KLHL1: variants seen among roughly 807,000 people sequenced by gnomAD.
The protein encoded by KLHL1 is kelch-like protein 1.
A neutral mutation model predicts 77.7 loss-of-function variants in KLHL1; 47 were observed. That is an observed-to-expected ratio of 0.60 (90% CI 0.48 to 0.77). KLHL1 has a LOEUF of 0.77. Ranked by LOEUF, KLHL1 falls within the 30% of genes least tolerant of loss-of-function variation. KLHL1 has a pLI of 0.00. For synonymous variants in KLHL1, 360 were observed against 325.2 expected, an observed-to-expected ratio of 1.11 and a Z score of -1.15; for missense variants, 925 against 910.8, an observed-to-expected ratio of 1.02 and a Z score of -0.20.
At chr13:69,924,773 G>A (rs973798669) in intron 4 of KLHL1, among the ~76,000 whole-genome samples, 1 of 152,186 alleles carries the variant, frequency 6.6e-6, no homozygotes, top group African/African-American at 2.4e-5. Flanking sequence ...AGAGCTCCCT[G>A]AGCCAGGGCT....
At chr13:70,053,375 G>A (rs1170946381) in intron 1 of KLHL1, among the ~76,000 whole-genome samples, 1 of 151,982 alleles carries the variant, frequency 6.6e-6, no homozygotes, top group Non-Finnish European at 1.5e-5. Context: ...TTATTCTTAG[G>A]AATATAGGCA....
intron 7 of KLHL1, 57 bp downstream of exon 7, chr13:69,796,681 T>C (rs1269732538): frequency 5.0e-6 from 6 of 1,193,790 alleles, no homozygotes; most frequent in Non-Finnish European, 7.3e-6. Flanking sequence ...TTTTATCATA[T>C]AGTTACATTA....
intron 5 of KLHL1, among the ~76,000 whole-genome samples, chr13:69,840,809 G>T (rs1406659656): frequency 6.6e-6 from 1 of 150,734 alleles, no homozygotes; most frequent in South Asian, 2.1e-4. Context: ...ATTCACCAAA[G>T]GGACTATTTC....
intron 1 of KLHL1, among the ~76,000 whole-genome samples, chr13:69,978,734 G>A (rs1454755802): frequency 2.0e-5 from 3 of 152,156 alleles, no homozygotes; most frequent in Admixed American, 6.5e-5. Flanking sequence ...TGATCTGCCC[G>A]CCTTGGCCCC....
intron 4 of KLHL1, among the ~76,000 whole-genome samples, chr13:69,897,564 C>T (rs910399865): frequency 2.6e-5 from 4 of 152,118 alleles, no homozygotes; most frequent in Admixed American, 1.3e-4. Context: ...TTAAACCTAG[C>T]GAGGGACATT....
At chr13:70,044,013 T>C (rs1001601756) in intron 1 of KLHL1, among the ~76,000 whole-genome samples, 29 of 152,174 alleles carry the variant, frequency 1.9e-4, no homozygotes, top group Non-Finnish European at 7.3e-5. Context: ...AGAAATCCTA[T>C]AAAAAGTAAA....
chr13:69,940,005 T>C (rs373321199), intron 4 of KLHL1, 35 bp downstream of exon 4: 19 of 1,482,010 alleles, frequency 1.3e-5, no homozygotes, highest in Non-Finnish European at 1.7e-5. Context: ...TAACACAGAG[T>C]GTGTCTCCAT....
chr13:69,723,940 T>C (rs762599639), intron 8 of KLHL1, among the ~76,000 whole-genome samples: 4 of 151,188 alleles, frequency 2.6e-5, no homozygotes, highest in Non-Finnish European at 4.4e-5. Flanking sequence ...CGGGTTCAAG[T>C]GATTCTCCTG....
chr13:70,073,057 T>A (rs1199675243), intron 1 of KLHL1, among the ~76,000 whole-genome samples: 1 of 152,154 alleles, frequency 6.6e-6, no homozygotes, highest in Non-Finnish European at 1.5e-5. Flanking sequence ...ATCCCATTAC[T>A]GGGTATATAC....
intron 6 of KLHL1, among the ~76,000 whole-genome samples, chr13:69,838,207 G>T (rs1268232317): frequency 6.6e-6 from 1 of 151,408 alleles, no homozygotes; most frequent in African/African-American, 2.4e-5. Flanking sequence ...TTTTAAAAAA[G>T]ATGTTGGATA....
At chr13:69,895,078 G>A (rs1023134626) in intron 4 of KLHL1, 3 of 475,470 alleles carry the variant, frequency 6.3e-6, no homozygotes. Flanking sequence ...ACCCACTTCG[G>A]ATCTTGCTTT....
chr13:70,103,268 G>C (rs1252953872), intron 1 of KLHL1, among the ~76,000 whole-genome samples: 1 of 152,114 alleles, frequency 6.6e-6, no homozygotes, highest in Non-Finnish European at 1.5e-5. Flanking sequence ...ATTAAGTCTG[G>C]AAAACAGAGG....
chr13:69,901,825 C>A (rs1881877383), intron 4 of KLHL1, among the ~76,000 whole-genome samples: 1 of 122,112 alleles, frequency 8.2e-6, no homozygotes, highest in South Asian at 2.6e-4. Context: ...GAGACGGAGT[C>A]TCGCTCTTGT....
chr13:69,923,047 G>A (rs188401503), intron 4 of KLHL1, among the ~76,000 whole-genome samples: 1 of 152,118 alleles, frequency 6.6e-6, no homozygotes, highest in Non-Finnish European at 1.5e-5. Context: ...GAAGATGGAA[G>A]CAAATGCAAC....
intron 1 of KLHL1, among the ~76,000 whole-genome samples, chr13:69,995,590 G>A (rs2137318667): frequency 6.6e-6 from 1 of 152,210 alleles, no homozygotes; most frequent in East Asian, 1.9e-4. Context: ...ATTTATCCAT[G>A]CTTTTCACAA....
chr13:69,884,273 G>C (rs949868091), intron 4 of KLHL1, among the ~76,000 whole-genome samples: 5 of 151,662 alleles, frequency 3.3e-5, no homozygotes. Context: ...ATACTGATTG[G>C]CTTCCCAGAA....
At chr13:69,996,432 T>C (rs1885154581) in intron 1 of KLHL1, among the ~76,000 whole-genome samples, 1 of 152,158 alleles carries the variant, frequency 6.6e-6, no homozygotes, top group Non-Finnish European at 1.5e-5. Flanking sequence ...AGATTATCAC[T>C]AATATAATCA....
At chr13:69,709,339 A>G (rs1039326797) in intron 9 of KLHL1, among the ~76,000 whole-genome samples, 4 of 152,096 alleles carry the variant, frequency 2.6e-5, no homozygotes, top group African/African-American at 7.2e-5. Flanking sequence ...ATCAGAAAAT[A>G]AAAGATACCA....
chr13:70,060,322 T>C (rs1482090929), intron 1 of KLHL1, among the ~76,000 whole-genome samples: 1 of 152,270 alleles, frequency 6.6e-6, no homozygotes. Flanking sequence ...GTTGGGAATG[T>C]AAATTAGTAC....
Sources: allele counts gnomAD v4.1 joint callset (sites outside exome capture counted in the v4.1 genomes callset), GRCh38; gene constraint gnomAD v4.1.1; transcripts MANE v1.5; gene names NCBI Gene and HGNC (gene_info 2026-07-23, HGNC 2026-07-21).